The following SCARA5 variants were observed in gnomAD, a reference collection of about 807,000 sequenced individuals.
SCARA5 encodes scavenger receptor class A member 5, also known as scavenger receptor class A, member 5 (putative).
In SCARA5, 45 loss-of-function variants were observed where a neutral mutation model predicts 46.3. That is an observed-to-expected ratio of 0.97 (90% CI 0.76 to 1.24). The LOEUF is 1.24. SCARA5 is among the 50% of genes most tolerant of loss of function. The probability of loss-of-function intolerance (pLI) is 0.00; values close to 1 mark genes in which losing one functional copy is unlikely to be tolerated. For synonymous variants in SCARA5, 333 were observed against 306.5 expected (o/e 1.09, Z -0.90); for missense variants, 680 against 689.0 (o/e 0.99, Z 0.15).
intron 3 of SCARA5, among the ~76,000 whole-genome samples, chr8:27,940,780 A>G (rs1807933136): frequency 7.3e-6 from 1 of 136,882 alleles, no homozygotes; most frequent in Admixed American, 8.0e-5. Flanking sequence ...CCATCCATCC[A>G]TCCATCCATC....
intron 5 of SCARA5, among the ~76,000 whole-genome samples, chr8:27,907,913 C>G (rs1469681041): frequency 2.0e-5 from 3 of 152,138 alleles, no homozygotes; most frequent in African/African-American, 7.2e-5. Flanking sequence ...ACGTGCCAGG[C>G]CCTGCTCTGG....
chr8:27,878,513 C>T (rs934801803), intron 8 of SCARA5, among the ~76,000 whole-genome samples: 7 of 152,188 alleles, frequency 4.6e-5, no homozygotes, highest in South Asian at 2.1e-4. Flanking sequence ...TCCTCAGAGT[C>T]TCTTGTGCTA....
chr8:27,873,654 T>C (rs1806677988), intron 8 of SCARA5, among the ~76,000 whole-genome samples: 1 of 151,854 alleles, frequency 6.6e-6, no homozygotes, highest in Non-Finnish European at 1.5e-5. Flanking sequence ...CTCTCTTTTC[T>C]GACTCAACCC....
At chr8:27,958,553 G>A (rs567362594) in intron 3 of SCARA5, among the ~76,000 whole-genome samples, 1 of 152,336 alleles carries the variant, frequency 6.6e-6, no homozygotes, top group African/African-American at 2.4e-5. Flanking sequence ...CTGCACGCGT[G>A]GCAGCAGGCT....
intron 2 of SCARA5, among the ~76,000 whole-genome samples, chr8:27,980,088 C>T (rs922647733): frequency 2.0e-5 from 3 of 152,162 alleles, no homozygotes; most frequent in Admixed American, 6.5e-5. Context: ...GAGGGGAGGA[C>T]AGACCAGCTA....
intron 7 of SCARA5, among the ~76,000 whole-genome samples, chr8:27,904,170 G>T (rs1042588303): frequency 2.0e-5 from 3 of 152,158 alleles, no homozygotes; most frequent in African/African-American, 7.2e-5. Flanking sequence ...GCTCTCCAGC[G>T]TCACTCCTCC....
In SCARA5 at chr8:27,941,428, A is replaced by G. The variant is rs149163120; in HGVS notation, c.242-19183T>C. On this transcript the variant is annotated intron_variant, in intron 3 of 8. Coordinates refer to ENST00000354914, the MANE Select transcript of SCARA5 (RefSeq NM_173833.6). Reference sequence around the variant, plus strand: ...CTTTTGACCTTAAAATGGAATTAATAACGTCTACCTCATGGGGTTGTGTGA... The same window carrying G: ...CTTTTGACCTTAAAATGGAATTAATGACGTCTACCTCATGGGGTTGTGTGA... Among the ~76,000 whole-genome samples the G allele has an allele frequency of 3.2e-3, 493 of 152,324 alleles. 3 individuals carry two copies. Among genetic ancestry groups the G allele is most frequent in the African/African-American group, 0.011 (451 of 41,572 alleles).
At chr8:27,893,827 T>C (rs1480504783) in intron 7 of SCARA5, among the ~76,000 whole-genome samples, 1 of 152,230 alleles carries the variant, frequency 6.6e-6, no homozygotes, top group Non-Finnish European at 1.5e-5. Context: ...AGGAACAGCC[T>C]TTTCCTTCTT....
chr8:27,885,873 G>A (rs1806886920), intron 7 of SCARA5, among the ~76,000 whole-genome samples: 1 of 152,194 alleles, frequency 6.6e-6, no homozygotes, highest in Admixed American at 6.5e-5. Flanking sequence ...TTCCCAAGAG[G>A]TTTCAATGTA....
chr8:27,928,443 A>G (rs1198534395), intron 3 of SCARA5, among the ~76,000 whole-genome samples: 1 of 152,136 alleles, frequency 6.6e-6, no homozygotes, highest in Non-Finnish European at 1.5e-5. Flanking sequence ...TTATAACCCT[A>G]TAAGTATTGT....
At position 27,879,561 on chromosome 8, in the gene SCARA5, C is replaced by T. The variant is rs770167490; in HGVS notation, c.1351+8G>A. 3 of 1,604,166 alleles carry T rather than the reference C, an allele frequency of 1.9e-6. No homozygotes were observed. The highest frequency in any genetic ancestry group is 2.2e-5 in the South Asian group (2 of 91,068). On this transcript the variant is annotated splice_region_variant and intron_variant, in intron 8 of 8. Coordinates refer to ENST00000354914, the MANE Select transcript of SCARA5 (RefSeq NM_173833.6). Reference sequence around the variant, plus strand: ...CTCCTCATGTTTTTTGCCCTCAGAGCGCCTTACCTTGCCCGAATCGAGCTG... The same window carrying T: ...CTCCTCATGTTTTTTGCCCTCAGAGTGCCTTACCTTGCCCGAATCGAGCTG...
intron 8 of SCARA5, among the ~76,000 whole-genome samples, chr8:27,874,375 G>T (rs935414492): frequency 6.6e-6 from 1 of 152,148 alleles, no homozygotes; most frequent in Non-Finnish European, 1.5e-5. Flanking sequence ...TCTCATGTTC[G>T]GCCAGTACAG....
At chr8:27,958,350 G>A (rs1025124281) in intron 3 of SCARA5, among the ~76,000 whole-genome samples, 1 of 152,202 alleles carries the variant, frequency 6.6e-6, no homozygotes, top group Non-Finnish European at 1.5e-5. Context: ...TGCAGGAGAA[G>A]CTCTGATGGC....
intron 2 of SCARA5, among the ~76,000 whole-genome samples, chr8:27,978,491 C>T (rs548280769): frequency 2.0e-5 from 3 of 152,052 alleles, no homozygotes; most frequent in South Asian, 2.1e-4. Flanking sequence ...TTTATAAGTG[C>T]CATGGCTCAT....
chr8:27,975,926 G>T (rs543756496), intron 2 of SCARA5, among the ~76,000 whole-genome samples: 3 of 152,182 alleles, frequency 2.0e-5, no homozygotes, highest in African/African-American at 4.8e-5. Flanking sequence ...CAGATTTTAC[G>T]ATGGTCTGGG....
At position 27,905,524 on chromosome 8, in the gene SCARA5, G is replaced by GGCGGGGGC; in HGVS notation, c.1097-691_1097-690insGCCCCCGC. ...GAATGCCCAGGATGATCCAAGATTT[G>GGCGGGGGC]GGGGGGGGAAAAAAAAAAGGCAGCC... is the stretch of plus-strand genomic sequence containing the variant. On this transcript the variant is annotated intron_variant, in intron 6 of 8. Transcript: ENST00000354914. 6.5e-5 allele frequency among the ~76,000 whole-genome samples: 2 copies of GGCGGGGGC among 30,988 alleles called. 1 individual carries two copies. The highest frequency in any genetic ancestry group is 1.4e-4 in the Non-Finnish European group (2 of 14,128). The allele number at this position is 30,988 out of a possible 152,430, so 20.3% of individuals were successfully genotyped here.
At chr8:27,896,225 C>G (rs1807062224) in intron 7 of SCARA5, among the ~76,000 whole-genome samples, 1 of 152,120 alleles carries the variant, frequency 6.6e-6, no homozygotes, top group Non-Finnish European at 1.5e-5. Context: ...TGCTGTACAC[C>G]CTGTGGGGAG....
In SCARA5 at chr8:27,871,337, T is replaced by C. The variant is rs1463207770; in HGVS notation, c.*597A>G. The stretch of plus-strand genomic sequence containing the variant: ...TTTCATTCCCTTCTCCAAATCTAGC[T>C]GGATTCCTGCAGGTGACTTGCATTT... On this transcript the variant is annotated 3_prime_UTR_variant, in exon 9 of 9. Coordinates refer to ENST00000354914, the MANE Select transcript of SCARA5 (RefSeq NM_173833.6). 3 of 623,640 alleles carry C rather than the reference T, an allele frequency of 4.8e-6. No individual in the cohort carries two copies. Among genetic ancestry groups the C allele is most frequent in the Non-Finnish European group, 6.0e-6 (3 of 499,510 alleles). The allele number at this position is 623,640 out of a possible 1,614,324, so 38.6% of individuals were successfully genotyped here.
chr8:27,913,499 T>C (rs1322604454), intron 4 of SCARA5, among the ~76,000 whole-genome samples: 1 of 152,250 alleles, frequency 6.6e-6, no homozygotes, highest in Non-Finnish European at 1.5e-5. Context: ...CTCTGATTCT[T>C]CTTTCCTGTC....
Sources: gnomAD v4.1 joint callset for allele counts (sites outside exome capture counted in the v4.1 genomes callset) on GRCh38, gnomAD v4.1.1 for gene constraint, MANE v1.5 for transcripts, NCBI Gene and HGNC (gene_info 2026-07-23, HGNC 2026-07-21) for gene names.